The following CNTN6 variants were observed in gnomAD, a reference collection of about 807,000 sequenced individuals.
The protein encoded by CNTN6 is contactin 6, also known as contactin-6.
A neutral mutation model predicts 122.8 loss-of-function variants in CNTN6; 137 were observed. The ratio of observed to expected loss-of-function variants is 1.12; its 90% CI spans 0.97 to 1.29. The LOEUF is 1.29. CNTN6 is among the 50% of genes most tolerant of loss of function. The pLI, the probability that CNTN6 is intolerant of heterozygous loss-of-function variation, is 0.00. For missense variants in CNTN6, 1,634 were observed against 1,223.4 expected (o/e 1.34, Z -5.01); for synonymous variants, 570 against 426.0 (o/e 1.34, Z -4.16).
intron 1 of CNTN6, among the ~76,000 whole-genome samples, chr3:1,106,282 A>G (rs2091217075): frequency 1.3e-5 from 2 of 152,096 alleles, no homozygotes; most frequent in South Asian, 4.1e-4. Flanking sequence ...GAGATATATA[A>G]CTTGCTTTTC....
chr3:1,229,146 C>T (rs1385161003), intron 4 of CNTN6, among the ~76,000 whole-genome samples: 1 of 152,044 alleles, frequency 6.6e-6, no homozygotes, highest in Non-Finnish European at 1.5e-5. Context: ...AGTTTATTAA[C>T]CTAAATAGAA....
intron 4 of CNTN6, among the ~76,000 whole-genome samples, chr3:1,255,860 T>G (rs375319615): frequency 4.6e-5 from 7 of 151,968 alleles, no homozygotes; most frequent in South Asian, 2.1e-4. Context: ...TTTTATTTTA[T>G]TTTAGTTTTA....
chr3:1,172,709 C>T (rs931681549), intron 2 of CNTN6, among the ~76,000 whole-genome samples: 4 of 151,756 alleles, frequency 2.6e-5, no homozygotes, highest in South Asian at 2.1e-4. Context: ...CACCAAAATC[C>T]GGAATGAACT....
At chr3:1,255,522 T>C (rs909174962) in intron 4 of CNTN6, among the ~76,000 whole-genome samples, 7 of 152,116 alleles carry the variant, frequency 4.6e-5, no homozygotes, top group Non-Finnish European at 8.8e-5. Context: ...GGGACCATAT[T>C]ATGCTGGCAT....
intron 4 of CNTN6, among the ~76,000 whole-genome samples, chr3:1,245,840 G>T (rs2094575891): frequency 1.3e-5 from 2 of 151,978 alleles, no homozygotes; most frequent in East Asian, 3.9e-4. Context: ...CAATCTTTTG[G>T]CTTCCCTGGG....
chr3:1,381,526 C>G (rs774396138), intron 17 of CNTN6, among the ~76,000 whole-genome samples: 1 of 152,000 alleles, frequency 6.6e-6, no homozygotes, highest in African/African-American at 2.4e-5. Context: ...GATGAAGAAC[C>G]GGAACATGGT....
In CNTN6 at chr3:1,402,438, GGT is replaced by G. The variant is rs1279011735; in HGVS notation, c.2940_2941del (p.Gly981ArgfsTer6). The G allele has an allele frequency of 6.2e-7, 1 of 1,611,920 alleles. No homozygotes were observed. Among genetic ancestry groups the G allele is most frequent in the East Asian group, 2.2e-5 (1 of 44,826 alleles). ...YLIEIRTVSDGGDGSSSEEIR... is the reference protein window; with the variant it reads ...YLIEIRTVSDXGDGSSSEEIR... Reference sequence around the variant, plus strand: ...AATTGAAATAAGAACAGTCAGTGATGGTGGAGATGGAAGCAGCAGTGAGGAAA... The same window carrying G: ...AATTGAAATAAGAACAGTCAGTGATGGGAGATGGAAGCAGCAGTGAGGAAA... On this transcript the variant is annotated frameshift_variant, in exon 22 of 23. Coordinates refer to ENST00000446702, the MANE Select transcript of CNTN6 (RefSeq NM_001289080.2). LOFTEE classifies it high-confidence loss of function.
At chr3:1,354,296 T>G (rs1706178594) in intron 12 of CNTN6, among the ~76,000 whole-genome samples, 1 of 149,752 alleles carries the variant, frequency 6.7e-6, no homozygotes, top group South Asian at 2.1e-4. Context: ...ATTCCATAAA[T>G]CTAACCATAA....
At chr3:1,324,302 T>A (rs528040431) in intron 8 of CNTN6, among the ~76,000 whole-genome samples, 1 of 149,226 alleles carries the variant, frequency 6.7e-6, no homozygotes, top group African/African-American at 2.6e-5. Flanking sequence ...AGAAAAACTC[T>A]AGAAGTCAGA....
chr3:1,386,712 G>C (rs1032216921), intron 20 of CNTN6, among the ~76,000 whole-genome samples: 12 of 151,822 alleles, frequency 7.9e-5, no homozygotes, highest in Non-Finnish European at 1.3e-4. Context: ...TTTGCTCTCT[G>C]AATCCTGATG....
intron 2 of CNTN6, among the ~76,000 whole-genome samples, chr3:1,181,975 T>G (rs917741541): frequency 3.9e-5 from 6 of 152,122 alleles, no homozygotes; most frequent in Non-Finnish European, 7.4e-5. Context: ...CCTATCCTCA[T>G]ACACTCATCA....
At chr3:1,396,537 A>G (rs1695006343) in intron 20 of CNTN6, among the ~76,000 whole-genome samples, 1 of 152,196 alleles carries the variant, frequency 6.6e-6, no homozygotes, top group Non-Finnish European at 1.5e-5. Flanking sequence ...AGAGATGAAG[A>G]TACTTACCTC....
intron 7 of CNTN6, among the ~76,000 whole-genome samples, chr3:1,316,445 A>G (rs1197748019): frequency 1.3e-5 from 2 of 151,808 alleles, no homozygotes; most frequent in Non-Finnish European, 2.9e-5. Context: ...AAACAACCAT[A>G]TCTCACAATA....
chr3:1,137,170 T>G (rs1206641728), intron 1 of CNTN6, among the ~76,000 whole-genome samples: 1 of 152,164 alleles, frequency 6.6e-6, no homozygotes, highest in Non-Finnish European at 1.5e-5. Context: ...CACGATGCCT[T>G]CCAAGACTGG....
intron 1 of CNTN6, among the ~76,000 whole-genome samples, chr3:1,125,850 G>T (rs2092140411): frequency 6.6e-6 from 1 of 151,820 alleles, no homozygotes; most frequent in African/African-American, 2.4e-5. Context: ...TAGGAGAAAA[G>T]ATTTGAGACA....
chr3:1,189,461 C>T (rs1041262536), intron 2 of CNTN6, among the ~76,000 whole-genome samples: 1 of 152,142 alleles, frequency 6.6e-6, no homozygotes, highest in Non-Finnish European at 1.5e-5. Context: ...AAGTTGATAA[C>T]GCAATTATAT....
chr3:1,156,932 G>T (rs1431659707), intron 2 of CNTN6, among the ~76,000 whole-genome samples: 1 of 151,754 alleles, frequency 6.6e-6, no homozygotes, highest in Non-Finnish European at 1.5e-5. Flanking sequence ...GCTCAGGCTG[G>T]TCTTGACTTC....
At chr3:1,326,254 C>A (rs776599029) in intron 9 of CNTN6, among the ~76,000 whole-genome samples, 1 of 151,874 alleles carries the variant, frequency 6.6e-6, no homozygotes, top group Non-Finnish European at 1.5e-5. Flanking sequence ...ATAACACTTA[C>A]TGAACTCTCA....
chr3:1,315,877 T>C (rs896027669), intron 7 of CNTN6, among the ~76,000 whole-genome samples: 1 of 151,926 alleles, frequency 6.6e-6, no homozygotes, highest in Non-Finnish European at 1.5e-5. Context: ...ACACTCATGC[T>C]TGTGTAGCCG....
Sources: allele counts gnomAD v4.1 joint callset (sites outside exome capture counted in the v4.1 genomes callset), GRCh38; gene constraint gnomAD v4.1.1; transcripts MANE v1.5; gene names NCBI Gene and HGNC (gene_info 2026-07-23, HGNC 2026-07-21).